Variants in GABRB3 observed in about 807,000 individuals in gnomAD.
GABRB3 encodes the protein gamma-aminobutyric acid type A receptor subunit beta3.
In GABRB3, 14 loss-of-function variants were observed where a neutral mutation model predicts 52.1. The observed-to-expected ratio is 0.27, with a 90% CI of 0.18 to 0.42. The LOEUF (loss-of-function observed/expected upper bound fraction) is 0.42. Among genes scored for constraint, GABRB3 ranks in the 10% least tolerant of loss-of-function variants. GABRB3 has a pLI of 1.00. For missense variants in GABRB3, 307 were observed against 609.1 expected (o/e 0.50, Z 5.22); for synonymous variants, 260 against 232.3 (o/e 1.12, Z -1.08).
intron 4 of GABRB3, among the ~76,000 whole-genome samples, chr15:26,609,454 A>G (rs964447810): frequency 6.6e-6 from 1 of 152,182 alleles, no homozygotes; most frequent in Non-Finnish European, 1.5e-5. Flanking sequence ...CTTTTAAGAA[A>G]ACATGAAACA....
At chr15:26,593,040 G>GA (rs1891264062) in intron 4 of GABRB3, among the ~76,000 whole-genome samples, 2 of 152,016 alleles carry the variant, frequency 1.3e-5, no homozygotes, top group South Asian at 4.1e-4. Flanking sequence ...AAAAAATTCA[G>GA]ATTCTGGAAT....
At chr15:26,697,102 T>C (rs1888765608) in intron 3 of GABRB3, among the ~76,000 whole-genome samples, 1 of 152,206 alleles carries the variant, frequency 6.6e-6, no homozygotes, top group Non-Finnish European at 1.5e-5. Flanking sequence ...TTCCACCTAC[T>C]TGTGGCCTTG....
At chr15:26,699,786 CGTAA>C (rs1888867633) in intron 3 of GABRB3, among the ~76,000 whole-genome samples, 1 of 151,462 alleles carries the variant, frequency 6.6e-6, no homozygotes, top group Non-Finnish European at 1.5e-5. Context: ...AATAAAAGAG[CGTAA>C]GTGAGATTTT....
At chr15:26,562,273 T>C (rs1280003978) in intron 7 of GABRB3, among the ~76,000 whole-genome samples, 1 of 152,212 alleles carries the variant, frequency 6.6e-6, no homozygotes, top group Non-Finnish European at 1.5e-5. Flanking sequence ...CATATTAATA[T>C]GTCTCAAGGA....
rs1174949991 is a variant in GABRB3 at position 26,750,212 on chromosome 15, G to C, written c.240+22190C>G. 3 of 152,156 alleles carry C rather than the reference G, an allele frequency of 2.0e-5. 1 individual carries two copies. Among genetic ancestry groups the C allele is most frequent in the Non-Finnish European group, 4.4e-5 (3 of 68,028 alleles). 9.4% of individuals were successfully genotyped at this position (152,156 alleles called of 1,614,324 possible). A position where few individuals can be genotyped will look rare whatever the true frequency, so the allele number is the denominator to read the frequency against. On this transcript the variant is annotated intron_variant, in intron 3 of 8. Coordinates refer to ENST00000311550, the MANE Select transcript of GABRB3 (RefSeq NM_000814.6). ...ATGTTGCTATACATTAGCAACTCTA[G>C]GAGAGGTTCAGTGAAGGAAGAAGTT...
chr15:26,761,043 C>G (rs1167230386), intron 3 of GABRB3, among the ~76,000 whole-genome samples: 2 of 152,142 alleles, frequency 1.3e-5, no homozygotes, highest in Non-Finnish European at 2.9e-5. Flanking sequence ...GAAAATACAT[C>G]TGCCCCCGAG....
At chr15:26,735,251 C>T (rs1486831708) in intron 3 of GABRB3, among the ~76,000 whole-genome samples, 3 of 152,072 alleles carry the variant, frequency 2.0e-5, no homozygotes, top group African/African-American at 2.4e-5. Context: ...AAGTGTTGAT[C>T]GGGATGTGAA....
intron 3 of GABRB3, among the ~76,000 whole-genome samples, chr15:26,646,705 CTTA>C (rs574781659): frequency 1.3e-5 from 2 of 152,116 alleles, no homozygotes; most frequent in African/African-American, 4.8e-5. Flanking sequence ...CTCATCAACA[CTTA>C]TTATTTTCTG....
intron 4 of GABRB3, among the ~76,000 whole-genome samples, chr15:26,619,230 G>T (rs1892381389): frequency 6.6e-6 from 1 of 151,824 alleles, no homozygotes; most frequent in African/African-American, 2.4e-5. Flanking sequence ...TATGTTTATT[G>T]TGGCACTATT....
rs955129642 is a variant in GABRB3 at position 26,619,434 on chromosome 15, C to T, written c.461+1880G>A. Among the ~76,000 whole-genome samples, 10 of 147,496 alleles carry T rather than the reference C, an allele frequency of 6.8e-5. No individual in the cohort carries two copies. In the East Asian group the frequency reaches 1.2e-3, roughly 18 times the overall value. On this transcript the variant is annotated intron_variant, in intron 4 of 8. Coordinates refer to ENST00000311550, the MANE Select transcript of GABRB3 (RefSeq NM_000814.6). ...ACTGCAAGAACAAAAAACCAAACAC[C>T]GCATATTCTTACTCACAGGTGGAAA...
chr15:26,699,822 CAT>C (rs1221830020), intron 3 of GABRB3, among the ~76,000 whole-genome samples: 1 of 151,492 alleles, frequency 6.6e-6, no homozygotes, highest in African/African-American at 2.4e-5. Context: ...AAAATGGAAA[CAT>C]AATATTGTGG....
chr15:26,682,268 C>T (rs1377256812), intron 3 of GABRB3, among the ~76,000 whole-genome samples: 1 of 152,122 alleles, frequency 6.6e-6, no homozygotes. Flanking sequence ...CTGGGATGAG[C>T]GCTTCAATAC....
chr15:26,731,457 G>C (rs1940449807), intron 3 of GABRB3, among the ~76,000 whole-genome samples: 1 of 152,192 alleles, frequency 6.6e-6, no homozygotes, highest in African/African-American at 2.4e-5. Context: ...AGTCCATACA[G>C]AGGAGGTTGC....
In GABRB3 at chr15:26,554,038, TA is replaced by T. The variant is rs1352724363; in HGVS notation, c.1081-5905del. On this transcript the variant is annotated intron_variant, in intron 8 of 8. Transcript: ENST00000311550. ...CTGACTATTTATATATATATATATT[TA>T]TTTATTTATATTTATTTATATATAA... Among the ~76,000 whole-genome samples, 81 of 71,964 alleles carry T rather than the reference TA, an allele frequency of 1.1e-3. 7 individuals carry two copies. The highest frequency in any genetic ancestry group is 6.8e-3 in the Middle Eastern group (1 of 148). The allele number at this position is 71,964 out of a possible 152,430, so 47.2% of individuals were successfully genotyped here.
intron 3 of GABRB3, among the ~76,000 whole-genome samples, chr15:26,726,929 G>A (rs559083540): frequency 6.6e-6 from 1 of 152,304 alleles, no homozygotes; most frequent in Admixed American, 6.5e-5. Context: ...GGGAGACCGA[G>A]GCAGGCGGAT....
chr15:26,592,503 T>C (rs1891244375), intron 4 of GABRB3, among the ~76,000 whole-genome samples: 1 of 152,182 alleles, frequency 6.6e-6, no homozygotes, highest in African/African-American at 2.4e-5. Context: ...ACTAAATGTA[T>C]GAGTGGATAT....
intron 8 of GABRB3, among the ~76,000 whole-genome samples, chr15:26,558,764 G>A (rs1038849846): frequency 2.9e-4 from 44 of 152,076 alleles, no homozygotes; most frequent in African/African-American, 7.2e-4. Context: ...TTAGCTGGGC[G>A]CGGTGGCAGG....
At chr15:26,762,490 A>T (rs911295070) in intron 3 of GABRB3, among the ~76,000 whole-genome samples, 2 of 152,180 alleles carry the variant, frequency 1.3e-5, no homozygotes, top group African/African-American at 4.8e-5. Context: ...TCTGTGAAGA[A>T]GTGCTAATTA....
intron 3 of GABRB3, among the ~76,000 whole-genome samples, chr15:26,639,463 A>G (rs1296882469): frequency 6.6e-6 from 1 of 152,156 alleles, no homozygotes; most frequent in Non-Finnish European, 1.5e-5. Context: ...ATTAGGAATT[A>G]TGAGAATAGA....
Sources: allele counts gnomAD v4.1 joint callset (sites outside exome capture counted in the v4.1 genomes callset), GRCh38; gene constraint gnomAD v4.1.1; transcripts MANE v1.5; gene names NCBI Gene and HGNC (gene_info 2026-07-23, HGNC 2026-07-21).